Variants in LRRTM4 observed in about 807,000 individuals in gnomAD.
LRRTM4 encodes the protein leucine-rich repeat transmembrane neuronal protein 4.
LRRTM4 carries 25 observed loss-of-function variants against 47.6 expected under a neutral mutation model. The ratio of observed to expected loss-of-function variants is 0.53; its 90% CI spans 0.38 to 0.73. LRRTM4 has a LOEUF of 0.73. Ranked by LOEUF, LRRTM4 falls within the 30% of genes least tolerant of loss-of-function variation. The probability of loss-of-function intolerance (pLI) is 0.00; values close to 1 mark genes in which losing one functional copy is unlikely to be tolerated. For missense variants in LRRTM4, 638 were observed against 713.4 expected (o/e 0.89, Z 1.20); for synonymous variants, 311 against 269.5 (o/e 1.15, Z -1.51).
In LRRTM4 at chr2:76,993,941, A is replaced by G. The variant is rs1238659862; in HGVS notation, c.1552-245025T>C. Among the ~76,000 whole-genome samples, 8 of 151,920 alleles carry G rather than the reference A, an allele frequency of 5.3e-5. No individual in the cohort carries two copies. The Admixed American group carries it at 5.3e-4, about 10-fold the overall frequency. On this transcript the variant is annotated intron_variant, in intron 3 of 3. Transcript: ENST00000409884. Reference sequence around the variant, plus strand: ...TATGCAGACATAACATAAAATGAAAACATATTTTTTTTCAGCAACATAGAT... The same window carrying G: ...TATGCAGACATAACATAAAATGAAAGCATATTTTTTTTCAGCAACATAGAT...
chr2:77,152,926 G>C (rs900687844), intron 3 of LRRTM4, among the ~76,000 whole-genome samples: 1 of 152,008 alleles, frequency 6.6e-6, no homozygotes, highest in Non-Finnish European at 1.5e-5. Context: ...AAATTCTTAA[G>C]ATTTTTTGCA....
intron 3 of LRRTM4, among the ~76,000 whole-genome samples, chr2:77,039,838 G>A (rs927375805): frequency 4.0e-5 from 6 of 150,780 alleles, no homozygotes; most frequent in African/African-American, 1.5e-4. Flanking sequence ...GCACTCACAA[G>A]GGAGATTATC....
At chr2:77,309,792 G>A (rs475859) in intron 3 of LRRTM4, among the ~76,000 whole-genome samples, 53,533 of 151,984 alleles carry the variant, frequency 0.35, 11,828 homozygotes, top group African/African-American at 0.61. Flanking sequence ...AAAATAAACC[G>A]TCCCATCTCC....
chr2:77,345,832 G>A lies in LRRTM4; in HGVS notation c.1551+172486C>T, dbSNP rs185104056. ...CCTGAGGAAAAACATATATATATATGTGTGTGTATATATATATATACACAG... is the reference window on the plus strand; with the variant it reads ...CCTGAGGAAAAACATATATATATATATGTGTGTATATATATATATACACAG... On this transcript the variant is annotated intron_variant, in intron 3 of 3. Coordinates refer to ENST00000409884, the MANE Select transcript of LRRTM4 (RefSeq NM_001134745.3). 2.9e-4 allele frequency among the ~76,000 whole-genome samples: 44 copies of A among 151,040 alleles called. No homozygotes were observed. In the East Asian group the frequency reaches 5.1e-3, roughly 17 times the overall value.
chr2:77,246,131 T>A (rs1027803015), intron 3 of LRRTM4, among the ~76,000 whole-genome samples: 1 of 152,326 alleles, frequency 6.6e-6, no homozygotes, highest in East Asian at 1.9e-4. Context: ...ATTCTAGATA[T>A]AAACATTTGC....
At chr2:77,081,797 T>C (rs1046786040) in intron 3 of LRRTM4, among the ~76,000 whole-genome samples, 1 of 152,194 alleles carries the variant, frequency 6.6e-6, no homozygotes, top group African/African-American at 2.4e-5. Context: ...CCATGGGGTA[T>C]TGCTGAGTCA....
chr2:76,854,843 A>C (rs961341333), intron 3 of LRRTM4, among the ~76,000 whole-genome samples: 5 of 150,658 alleles, frequency 3.3e-5, no homozygotes, highest in Admixed American at 2.0e-4. Context: ...CTAAAATTCT[A>C]TAAGGGCGAG....
At chr2:77,075,075 GATTT>G (rs756963765) in intron 3 of LRRTM4, among the ~76,000 whole-genome samples, 34 of 152,140 alleles carry the variant, frequency 2.2e-4, no homozygotes, top group South Asian at 8.3e-4. Context: ...AAAAATTTAA[GATTT>G]ATTTTATTTT....
rs775142298 is a variant in LRRTM4 at position 77,519,342 on chromosome 2, A to G, written c.527T>C (p.Val176Ala). The change falls in exon 3 of 4, where the codon GTT becomes GCT. Residue 176 changes from valine (V) to alanine (A), a missense_variant. By Grantham distance (64) the Val-to-Ala change is moderately conservative. Coordinates refer to ENST00000409884, the MANE Select transcript of LRRTM4 (RefSeq NM_001134745.3). The surrounding 1 kb of genome is among the most constrained non-coding windows in gnomAD (Gnocchi z 4.6). ...ATCAAGATTCCGACAGTCTTGAAAA[A>G]CTCTTATGGGCACAGTCTTTAGTGA... is the stretch of plus-strand genomic sequence containing the variant. ...SNSLKTVPIR[V>A]FQDCRNLDFL... 1.9e-6 allele frequency: 3 copies of G among 1,612,840 alleles called. No individual in the cohort carries two copies. The highest frequency in any genetic ancestry group is 2.2e-5 in the South Asian group (2 of 91,040).
At chr2:77,072,483 A>G (rs540665562) in intron 3 of LRRTM4, among the ~76,000 whole-genome samples, 8 of 152,298 alleles carry the variant, frequency 5.3e-5, no homozygotes, top group African/African-American at 1.7e-4. Flanking sequence ...AGATTCCAAC[A>G]TACAATCCTG....
intron 3 of LRRTM4, among the ~76,000 whole-genome samples, chr2:77,500,502 CTT>C (rs66462021): frequency 0.042 from 6,385 of 151,276 alleles, 448 homozygotes; most frequent in African/African-American, 0.15. Context: ...AAAAAGAAAA[CTT>C]ATCATATTCA....
chr2:77,284,284 A>C (rs1676590396), intron 3 of LRRTM4, among the ~76,000 whole-genome samples: 1 of 152,120 alleles, frequency 6.6e-6, no homozygotes, highest in Non-Finnish European at 1.5e-5. Flanking sequence ...GTATACTTAC[A>C]TATTGTCCTA....
chr2:77,160,054 T>C (rs1214024700), intron 3 of LRRTM4, among the ~76,000 whole-genome samples: 1 of 152,190 alleles, frequency 6.6e-6, no homozygotes, highest in African/African-American at 2.4e-5. Context: ...GTGGTGTCTA[T>C]TCACTCTTGA....
At chr2:77,455,933 G>A (rs1212980002) in intron 3 of LRRTM4, among the ~76,000 whole-genome samples, 1 of 151,958 alleles carries the variant, frequency 6.6e-6, no homozygotes, top group Non-Finnish European at 1.5e-5. Flanking sequence ...GTAATCCACT[G>A]GTTTTTATCC....
intron 3 of LRRTM4, among the ~76,000 whole-genome samples, chr2:76,926,225 G>A (rs950659445): frequency 6.6e-6 from 1 of 152,104 alleles, no homozygotes; most frequent in Non-Finnish European, 1.5e-5. Context: ...TTTTATAAAT[G>A]ATTAACAAAG....
chr2:76,931,084 CA>C (rs1160462077), intron 3 of LRRTM4, among the ~76,000 whole-genome samples: 5 of 150,846 alleles, frequency 3.3e-5, no homozygotes, highest in Non-Finnish European at 7.4e-5. Flanking sequence ...CCTATGCAAG[CA>C]AAAGGCCATG....
chr2:77,437,779 T>C (rs1429525937), intron 3 of LRRTM4, among the ~76,000 whole-genome samples: 1 of 152,140 alleles, frequency 6.6e-6, no homozygotes, highest in African/African-American at 2.4e-5. Context: ...TTTGAATGTT[T>C]TTCTCTCCTG....
intron 3 of LRRTM4, among the ~76,000 whole-genome samples, chr2:77,254,149 G>A (rs1044148205): frequency 6.6e-6 from 1 of 151,784 alleles, no homozygotes; most frequent in African/African-American, 2.4e-5. Flanking sequence ...AAAGAAAAAA[G>A]TATTGAAAGC....
intron 3 of LRRTM4, among the ~76,000 whole-genome samples, chr2:77,162,541 C>T (rs748629116): frequency 3.3e-5 from 5 of 152,158 alleles, no homozygotes; most frequent in Non-Finnish European, 7.4e-5. Flanking sequence ...GTCCCTGACC[C>T]TCGAGTAGCC....
Sources: allele counts gnomAD v4.1 joint callset (sites outside exome capture counted in the v4.1 genomes callset), GRCh38; gene constraint gnomAD v4.1.1; non-coding constraint Gnocchi (gnomAD v3.1); transcripts MANE v1.5; gene names NCBI Gene and HGNC (gene_info 2026-07-23, HGNC 2026-07-21).